ESR1: variants seen among roughly 807,000 people sequenced by gnomAD.
ESR1 encodes estrogen receptor 1.
Under a neutral mutation model 52.7 loss-of-function variants are expected in ESR1, and 12 were observed. The observed-to-expected ratio is 0.23, with a 90% CI of 0.15 to 0.37. The LOEUF is 0.37. Among genes scored for constraint, ESR1 ranks in the 10% least tolerant of loss-of-function variants. The pLI is 1.00. For synonymous variants in ESR1, 305 were observed against 316.8 expected, an observed-to-expected ratio of 0.96 and a Z score of 0.39; for missense variants, 584 against 779.7, an observed-to-expected ratio of 0.75 and a Z score of 2.99.
chr6:151,678,392 GA>G (rs1257975881), intron 1 of ESR1, among the ~76,000 whole-genome samples: 1 of 151,634 alleles, frequency 6.6e-6, no homozygotes, highest in African/African-American at 2.4e-5. Flanking sequence ...CAAATCTCTT[GA>G]ACCCGGGAGG....
intron 2 of ESR1, among the ~76,000 whole-genome samples, chr6:151,769,041 A>G (rs1308784021): frequency 6.6e-6 from 1 of 152,182 alleles, no homozygotes; most frequent in Non-Finnish European, 1.5e-5. Context: ...TTATGTATGG[A>G]TACTGCCTAG....
At chr6:151,871,892 T>TCTTCA (rs1791035111) in intron 2 of ESR1, among the ~76,000 whole-genome samples, 1 of 152,240 alleles carries the variant, frequency 6.6e-6, no homozygotes, top group East Asian at 1.9e-4. Flanking sequence ...TTCATTCATG[T>TCTTCA]TGTAGCATGT....
At chr6:151,696,544 G>A (rs770413100) in intron 1 of ESR1, among the ~76,000 whole-genome samples, 4 of 151,996 alleles carry the variant, frequency 2.6e-5, no homozygotes, top group Non-Finnish European at 5.9e-5. Context: ...GTGCATAGAT[G>A]GGGTTGTTCA....
chr6:151,673,569 T>C (rs1778151592), intron 1 of ESR1, among the ~76,000 whole-genome samples: 2 of 152,124 alleles, frequency 1.3e-5, no homozygotes, highest in African/African-American at 2.4e-5. Flanking sequence ...ATCTTGAGTT[T>C]ATCAATATAA....
intron 3 of ESR1, among the ~76,000 whole-genome samples, chr6:151,938,864 C>T (rs766821246): frequency 6.6e-6 from 1 of 152,276 alleles, no homozygotes; most frequent in Admixed American, 6.5e-5. Context: ...GCATTGCACA[C>T]TTACAGTGGG....
At chr6:151,948,945 T>C (rs939039709) in intron 4 of ESR1, among the ~76,000 whole-genome samples, 1 of 152,164 alleles carries the variant, frequency 6.6e-6, no homozygotes, top group African/African-American at 2.4e-5. Context: ...CTTGAATAAA[T>C]GAATAAATGA....
intron 2 of ESR1, among the ~76,000 whole-genome samples, chr6:151,865,482 C>A (rs1414874800): frequency 6.6e-6 from 1 of 152,190 alleles, no homozygotes; most frequent in African/African-American, 2.4e-5. Context: ...CCCAGGATCG[C>A]ATGGAGCTTG....
rs777039486 is a variant in ESR1 at position 152,011,803 on chromosome 6, C to G, written c.1235+9C>G. On this transcript the variant is annotated intron_variant, in intron 5 of 7. Coordinates refer to ENST00000206249, the MANE Select transcript of ESR1 (RefSeq NM_000125.4). ...AACTTGCTCTTGGACAGGTAAGTGA[C>G]CTGGCTGTAGCTTAGGAGTAGCATG... The G allele has an allele frequency of 6.2e-7, 1 of 1,612,258 alleles. No individual in the cohort carries two copies. Among genetic ancestry groups the G allele is most frequent in the Non-Finnish European group, 8.5e-7 (1 of 1,179,208 alleles).
intron 1 of ESR1, among the ~76,000 whole-genome samples, chr6:151,671,752 GA>G (rs1430356776): frequency 6.6e-5 from 10 of 152,092 alleles, no homozygotes; most frequent in African/African-American, 2.4e-4. Flanking sequence ...AGCACTTTGG[GA>G]GGCCGAGATG....
At chr6:151,724,293 A>G (rs1430988458) in intron 2 of ESR1, among the ~76,000 whole-genome samples, 1 of 152,136 alleles carries the variant, frequency 6.6e-6, no homozygotes, top group Non-Finnish European at 1.5e-5. Flanking sequence ...AAACAGAGAA[A>G]TGAAGTGAAG....
At chr6:151,943,862 C>G (rs1039577273) in intron 3 of ESR1, among the ~76,000 whole-genome samples, 3 of 152,198 alleles carry the variant, frequency 2.0e-5, no homozygotes, top group Admixed American at 2.0e-4. Flanking sequence ...CCAAAGCCTA[C>G]TGTTCAATTT....
At chr6:152,026,108 T>C (rs1175412720) in intron 5 of ESR1, among the ~76,000 whole-genome samples, 1 of 152,066 alleles carries the variant, frequency 6.6e-6, no homozygotes, top group Non-Finnish European at 1.5e-5. Context: ...CTGAATATTT[T>C]TGTGGTCTAA....
In ESR1 at chr6:151,910,047, G is replaced by A. The variant is rs185950917; in HGVS notation, c.760+29276G>A. Among the ~76,000 whole-genome samples, 3 of 151,398 alleles carry A rather than the reference G, an allele frequency of 2.0e-5. No individual in the cohort carries two copies. In the East Asian group the frequency reaches 5.8e-4, roughly 29 times the overall value. On this transcript the variant is annotated intron_variant, in intron 3 of 7. Coordinates refer to ENST00000206249, the MANE Select transcript of ESR1 (RefSeq NM_000125.4). Reference sequence around the variant, plus strand: ...ACTAGGCAGAGATTACATTCAATTGGCAGTACCACCCTTTTTATCTCTGAC... The same window carrying A: ...ACTAGGCAGAGATTACATTCAATTGACAGTACCACCCTTTTTATCTCTGAC...
chr6:151,914,773 C>A (rs1798792348), intron 3 of ESR1, among the ~76,000 whole-genome samples: 1 of 152,108 alleles, frequency 6.6e-6, no homozygotes, highest in Non-Finnish European at 1.5e-5. Flanking sequence ...TATAAAGCGT[C>A]CTCCATAGTA....
At chr6:151,811,140 C>T (rs994925241) in intron 1 of ESR1, 3 of 152,186 alleles carry the variant, frequency 2.0e-5, no homozygotes, top group African/African-American at 4.8e-5. Flanking sequence ...TATGCAGCCA[C>T]ATCTATGTGT....
chr6:151,940,011 G>A (rs12661524), intron 3 of ESR1, among the ~76,000 whole-genome samples: 22,917 of 152,046 alleles, frequency 0.15, 2,439 homozygotes, highest in African/African-American at 0.29. Context: ...TTTTCATACT[G>A]CTATAAAGAA....
intron 2 of ESR1, among the ~76,000 whole-genome samples, chr6:151,768,694 G>A (rs1785259758): frequency 6.6e-6 from 1 of 152,168 alleles, no homozygotes; most frequent in Non-Finnish European, 1.5e-5. Context: ...TAGATAGATA[G>A]ATGACAGGAT....
chr6:152,061,892 C>T lies in ESR1; in HGVS notation c.1369+768C>T, dbSNP rs1021127745. ...TAGCCTCTTGGTATTTGGATCTAAGCTCTAGCTCTACAGCCTCTGGGACCT... is the reference window on the plus strand; with the variant it reads ...TAGCCTCTTGGTATTTGGATCTAAGTTCTAGCTCTACAGCCTCTGGGACCT... On this transcript the variant is annotated intron_variant, in intron 6 of 7. Transcript: ENST00000206249. This position sits in a 1 kb window ranked among gnomAD's most constrained non-coding sequence, Gnocchi z 4.3. Among the ~76,000 whole-genome samples the T allele has an allele frequency of 6.6e-6, 1 of 152,162 alleles. No homozygotes were observed. Among genetic ancestry groups the T allele is most frequent in the Non-Finnish European group, 1.5e-5 (1 of 68,038 alleles).
chr6:152,036,225 T>G (rs887840028), intron 5 of ESR1, among the ~76,000 whole-genome samples: 3 of 152,132 alleles, frequency 2.0e-5, no homozygotes, highest in Non-Finnish European at 4.4e-5. Context: ...CTGGGCGTGG[T>G]GGCGGGTGCC....
Sources: allele counts gnomAD v4.1 joint callset (sites outside exome capture counted in the v4.1 genomes callset), GRCh38; gene constraint gnomAD v4.1.1; non-coding constraint Gnocchi (gnomAD v3.1); transcripts MANE v1.5; gene names NCBI Gene and HGNC (gene_info 2026-07-23, HGNC 2026-07-21).